The following TMEM178B variants were observed in gnomAD, a reference collection of about 807,000 sequenced individuals.
TMEM178B encodes the protein transmembrane protein 178B.
TMEM178B carries 5 observed loss-of-function variants against 31.0 expected under a neutral mutation model. The observed-to-expected ratio is 0.16, with a 90% CI of 0.08 to 0.34. TMEM178B has a LOEUF of 0.34. Among genes scored for constraint, TMEM178B ranks in the 10% least tolerant of loss-of-function variants. The pLI is 1.00. For missense variants in TMEM178B, 275 were observed against 400.3 expected (o/e 0.69, Z 2.67); for synonymous variants, 164 against 164.0 (o/e 1.00, Z 0.00).
intron 1 of TMEM178B, among the ~76,000 whole-genome samples, chr7:141,182,446 A>T (rs1182072492): frequency 6.6e-6 from 1 of 152,202 alleles, no homozygotes; most frequent in African/African-American, 2.4e-5. Context: ...ATGTATTTAA[A>T]CATGAGTTTT....
At position 141,074,809 on chromosome 7, in the gene TMEM178B, CGGTTATCCAGG is replaced by C; in HGVS notation, c.382+118_382+128del. On this transcript the variant is annotated intron_variant, in intron 1 of 3. Transcript: ENST00000565468. This position sits in a 1 kb window ranked among gnomAD's most constrained non-coding sequence, Gnocchi z 5.1. ...TCAGGTCTCTGGGTTCCAGGCGGTC[CGGTTATCCAGG>C]CCTGGCTGAGCCTCGGGGCCAGGAC... 7.3e-7 allele frequency: 1 copy of C among 1,371,378 alleles called. No individual in the cohort carries two copies. 85.0% of individuals were successfully genotyped at this position (1,371,378 alleles called of 1,614,324 possible).
rs570681397 is a variant in TMEM178B, at chr7:141,316,706, A to G, written c.496+104002A>G. ...TATTCCTGCTCCATGGGGTTCATAG[A>G]CAGGTGTCTGTTTTCGATGTCATTG... On this transcript the variant is annotated intron_variant, in intron 2 of 3. Transcript: ENST00000565468. Among the ~76,000 whole-genome samples, 6 of 152,308 alleles carry G rather than the reference A, an allele frequency of 3.9e-5. No homozygotes were observed. The South Asian group carries it at 1.0e-3, about 26-fold the overall frequency.
intron 2 of TMEM178B, among the ~76,000 whole-genome samples, chr7:141,247,372 T>G (rs1427294785): frequency 6.6e-6 from 1 of 152,154 alleles, no homozygotes; most frequent in Non-Finnish European, 1.5e-5. Context: ...TGGAAAATAA[T>G]GCACACTTAG....
chr7:141,276,484 T>C (rs1344995595), intron 2 of TMEM178B, among the ~76,000 whole-genome samples: 1 of 152,098 alleles, frequency 6.6e-6, no homozygotes, highest in Non-Finnish European at 1.5e-5. Context: ...CAAGTCCTTC[T>C]TCACATGGTG....
At chr7:141,303,874 C>T (rs1798768733) in intron 2 of TMEM178B, among the ~76,000 whole-genome samples, 1 of 152,198 alleles carries the variant, frequency 6.6e-6, no homozygotes, top group Non-Finnish European at 1.5e-5. Flanking sequence ...AAAGTGCATG[C>T]AACATATTGC....
intron 1 of TMEM178B, among the ~76,000 whole-genome samples, chr7:141,098,651 G>T (rs899738043): frequency 1.3e-5 from 2 of 152,202 alleles, no homozygotes; most frequent in African/African-American, 4.8e-5. Context: ...GAGATTTATT[G>T]TGAAGGTTGA....
rs181893987 is a variant in TMEM178B at position 141,208,420 on chromosome 7, A to G, written c.383-4171A>G. Reference sequence around the variant, plus strand: ...AAAACCTGTTTGTATTAGGCAGCCCACATTCTGGGCCTACTTATTTGGTGC... The same window carrying G: ...AAAACCTGTTTGTATTAGGCAGCCCGCATTCTGGGCCTACTTATTTGGTGC... On this transcript the variant is annotated intron_variant, in intron 1 of 3. Coordinates refer to ENST00000565468, the MANE Select transcript of TMEM178B (RefSeq NM_001195278.2). 3.8e-3 allele frequency among the ~76,000 whole-genome samples: 586 copies of G among 152,338 alleles called. 8 individuals are homozygous for G. Among genetic ancestry groups the G allele is most frequent in the African/African-American group, 0.013 (555 of 41,582 alleles).
chr7:141,132,301 C>T (rs1296471090), intron 1 of TMEM178B, among the ~76,000 whole-genome samples: 1 of 152,164 alleles, frequency 6.6e-6, no homozygotes, highest in African/African-American at 2.4e-5. Flanking sequence ...AATAAGCTTT[C>T]AAGATTGGGG....
At chr7:141,216,448 TGCGC>T (rs143135337) in intron 2 of TMEM178B, among the ~76,000 whole-genome samples, 5,583 of 135,742 alleles carry the variant, frequency 0.041, 349 homozygotes, top group Middle Eastern at 0.1. Context: ...TGTGTGTGTG[TGCGC>T]GCGCGCGCGC....
chr7:141,314,046 G>T (rs915082216), intron 2 of TMEM178B, among the ~76,000 whole-genome samples: 1 of 152,308 alleles, frequency 6.6e-6, no homozygotes, highest in East Asian at 1.9e-4. Flanking sequence ...TGCCTGTGGC[G>T]CAGCCGTTTC....
chr7:141,346,207 C>T (rs1031531898), intron 2 of TMEM178B, among the ~76,000 whole-genome samples: 3 of 151,744 alleles, frequency 2.0e-5, no homozygotes, highest in East Asian at 3.9e-4. Context: ...GGCAACAGAG[C>T]GACTCCATCT....
intron 2 of TMEM178B, among the ~76,000 whole-genome samples, chr7:141,435,793 A>G (rs767983330): frequency 6.6e-6 from 1 of 152,228 alleles, no homozygotes; most frequent in African/African-American, 2.4e-5. Flanking sequence ...GGCAGTTCCC[A>G]TAAGTGACTG....
chr7:141,161,311 G>A (rs1238457622), intron 1 of TMEM178B, among the ~76,000 whole-genome samples: 1 of 152,140 alleles, frequency 6.6e-6, no homozygotes, highest in Non-Finnish European at 1.5e-5. Context: ...GTCTGAGGGA[G>A]CCACAGAGGG....
intron 1 of TMEM178B, among the ~76,000 whole-genome samples, chr7:141,113,501 A>G (rs75726007): frequency 2.0e-5 from 3 of 152,266 alleles, no homozygotes; most frequent in Non-Finnish European, 4.4e-5. Context: ...TCCTATTCTC[A>G]TACCTCTTCC....
At chr7:141,169,137 A>G (rs945261869) in intron 1 of TMEM178B, among the ~76,000 whole-genome samples, 2 of 152,164 alleles carry the variant, frequency 1.3e-5, no homozygotes, top group African/African-American at 4.8e-5. Flanking sequence ...AGATTATTTT[A>G]TCACTCGGGT....
At chr7:141,261,557 T>C (rs1016534402) in intron 2 of TMEM178B, among the ~76,000 whole-genome samples, 1 of 152,080 alleles carries the variant, frequency 6.6e-6, no homozygotes. Flanking sequence ...GTTTCAGAGC[T>C]AACAAAGCAG....
At chr7:141,187,240 T>C (rs1255754570) in intron 1 of TMEM178B, among the ~76,000 whole-genome samples, 3 of 151,576 alleles carry the variant, frequency 2.0e-5, no homozygotes, top group East Asian at 1.9e-4. Flanking sequence ...TGGTTTCCAG[T>C]TTCATCCATG....
the TMEM178B span, among the ~76,000 whole-genome samples, chr7:141,496,773 C>CAAAAA: frequency 5.3e-4 from 79 of 150,008 alleles, 1 homozygote; most frequent in African/African-American, 1.8e-3. Flanking sequence ...GGAATTACTG[C>CAAAAA]AAAAAAAATG....
At chr7:141,292,680 C>T (rs1225243182) in intron 2 of TMEM178B, among the ~76,000 whole-genome samples, 1 of 148,184 alleles carries the variant, frequency 6.7e-6, no homozygotes, top group African/African-American at 2.5e-5. Flanking sequence ...CTCTGTCACC[C>T]AGGCTGGAGC....
Sources: gnomAD v4.1 joint callset for allele counts (sites outside exome capture counted in the v4.1 genomes callset) on GRCh38, gnomAD v4.1.1 for gene constraint, Gnocchi (gnomAD v3.1) non-coding constraint, MANE v1.5 for transcripts, NCBI Gene and HGNC (gene_info 2026-07-23, HGNC 2026-07-21) for gene names.